ZNF726: variants seen among roughly 807,000 people sequenced by gnomAD.
ZNF726 encodes zinc finger protein 92 pseudogene 3.
A neutral mutation model predicts 11.6 loss-of-function variants in ZNF726; 15 were observed. The observed-to-expected ratio is 1.29, with a 90% CI of 0.86 to 1.99. The LOEUF (loss-of-function observed/expected upper bound fraction) is 1.99, where lower values mean the gene tolerates loss of function less well. Ranked by LOEUF, ZNF726 falls within the 30% of genes most tolerant of loss-of-function variation. ZNF726 has a pLI of 0.00. For synonymous variants in ZNF726, 295 were observed against 243.6 expected, an observed-to-expected ratio of 1.21 and a Z score of -1.96; for missense variants, 890 against 725.6, an observed-to-expected ratio of 1.23 and a Z score of -2.60.
chr19:23,939,356 C>T (rs527970836), downstream of ZNF726, among the ~76,000 whole-genome samples: 137 of 152,204 alleles, frequency 9.0e-4, no homozygotes, highest in African/African-American at 2.9e-3. Context: ...GTTTCTTTAT[C>T]TGTTTGTTGA....
chr19:23,940,231 T>G (rs1968316714), intron 3 of ZNF726, among the ~76,000 whole-genome samples: 1 of 152,218 alleles, frequency 6.6e-6, no homozygotes, highest in Non-Finnish European at 1.5e-5. Context: ...TTCTCCTACA[T>G]GTGGCTAGCC....
chr19:23,933,935 A>G lies in ZNF726; in HGVS notation c.1819A>G (p.Thr607Ala). 2 of 1,582,006 alleles carry G rather than the reference A, an allele frequency of 1.3e-6. No homozygotes were observed. Among genetic ancestry groups the G allele is most frequent in the Non-Finnish European group, 1.7e-6 (2 of 1,163,534 alleles). Residue 607 changes from threonine (T) to alanine (A), a missense_variant, in exon 4 of 4, where the codon ACC becomes GCC. Thr to Ala is a moderately conservative substitution (Grantham distance 58). Coordinates refer to ENST00000594466, the MANE Select transcript of ZNF726 (RefSeq NM_001244038.2). The part of the protein sequence containing the change: ...ECGKSFIWSS[T>A]LFKHKRIHT ...TGGCAAATCATTTATCTGGTCCTCA[A>G]CCCTTTTTAAGCATAAGAGGATTCA...
intron 3 of ZNF726, among the ~76,000 whole-genome samples, chr19:23,923,116 C>T (rs1270380124): frequency 6.6e-6 from 1 of 152,078 alleles, no homozygotes; most frequent in African/African-American, 2.4e-5. Flanking sequence ...CCACTTTTGT[C>T]AGCCTATAAC....
rs1170223495 is a variant in ZNF726 at position 23,919,459 on chromosome 19, GA to G, written c.92del (p.Asn31MetfsTer2). 2 of 1,606,758 alleles carry G rather than the reference GA, an allele frequency of 1.2e-6. No individual in the cohort carries two copies. Among genetic ancestry groups the G allele is most frequent in the African/African-American group, 2.7e-5 (2 of 74,732 alleles). On this transcript the variant is annotated frameshift_variant, in exon 2 of 4. Coordinates refer to ENST00000594466, the MANE Select transcript of ZNF726 (RefSeq NM_001244038.2). LOFTEE classifies it high-confidence loss of function. ...LDTAQKNLYR[N>X]VMLENYRNLA... ...ACACTGCACAGAAGAATTTATATAG[GA>G]ATGTGATGTTAGAGAACTACAGAAA...
chr19:23,920,540 C>T (rs62114219), intron 3 of ZNF726: 18,090 of 156,430 alleles, frequency 0.12, 1,165 homozygotes, highest in Middle Eastern at 0.2. Flanking sequence ...GCCTCAGGCT[C>T]CTGAGTAGCT....
chr19:23,937,133 G>T (rs1286590566), downstream of ZNF726, among the ~76,000 whole-genome samples: 4 of 150,634 alleles, frequency 2.7e-5, no homozygotes, highest in South Asian at 2.1e-4. Flanking sequence ...GGCCGGGCGG[G>T]GGGGCTGACC....
intron 3 of ZNF726, among the ~76,000 whole-genome samples, chr19:23,927,201 A>AC (rs1255995219): frequency 2.0e-5 from 3 of 152,020 alleles, no homozygotes; most frequent in Non-Finnish European, 4.4e-5. Context: ...TCCTGAGTTC[A>AC]GGCAATCCAC....
rs1163479243 is a variant in ZNF726, at chr19:23,933,010, A to G, written c.894A>G (p.Ser298=). 6.8e-6 allele frequency: 11 copies of G among 1,612,954 alleles called. No homozygotes were observed. Among genetic ancestry groups the G allele is most frequent in the Admixed American group, 5.0e-5 (3 of 59,922 alleles). ...EECGKAFSQP[S]ALTIHKRMHI... The stretch of plus-strand genomic sequence containing the variant: ...GTGGCAAAGCATTTAGCCAACCCTC[A>G]GCACTAACCATACATAAGAGGATGC... The change falls in exon 4 of 4, where the codon TCA becomes TCG. Residue 298 remains serine, a synonymous_variant. Coordinates refer to ENST00000594466, the MANE Select transcript of ZNF726 (RefSeq NM_001244038.2).
chr19:23,922,457 T>G (rs1967875960), intron 3 of ZNF726, among the ~76,000 whole-genome samples: 1 of 152,154 alleles, frequency 6.6e-6, no homozygotes, highest in Non-Finnish European at 1.5e-5. Flanking sequence ...GAGGTCTTCC[T>G]CCAGGCCTCT....
intron 1 of ZNF726, 74 bp downstream of exon 1, chr19:23,915,071 G>A: frequency 1.3e-5 from 21 of 1,607,858 alleles, no homozygotes; most frequent in Non-Finnish European, 1.8e-5. Context: ...GGCAGTGGCG[G>A]GACTCAGGCC....
Position 23,933,918 on chromosome 19 carries a change from C to G in ZNF726, c.1802C>G (p.Ser601Ter). 6.3e-7 allele frequency: 1 copy of G among 1,586,184 alleles called. No individual in the cohort carries two copies. Among genetic ancestry groups the G allele is most frequent in the Non-Finnish European group, 8.6e-7 (1 of 1,165,936 alleles). Reference protein sequence around the residue: ...KPYKCDECGKSFIWSSTLFKH... With the variant: ...KPYKCDECGK ...TACAAGTGTGACGAATGTGGCAAAT[C>G]ATTTATCTGGTCCTCAACCCTTTTT... Residue 601 changes from serine to a stop codon, truncating the protein, a stop_gained, in exon 4 of 4, where the codon TCA becomes TGA. Transcript: ENST00000594466. LOFTEE classifies it low-confidence loss of function (END_TRUNC).
At chr19:23,924,197 C>G (rs559582047) in intron 3 of ZNF726, among the ~76,000 whole-genome samples, 1 of 151,444 alleles carries the variant, frequency 6.6e-6, no homozygotes, top group Non-Finnish European at 1.5e-5. Context: ...GCACATGCCA[C>G]CACACCTGGC....
chr19:23,923,418 T>G, intron 3 of ZNF726: 1 of 412,492 alleles, frequency 2.4e-6, no homozygotes. Context: ...AATTTTTTTT[T>G]TTTTTTTTTT....
At chr19:23,923,421 T>C (rs1008716593) in intron 3 of ZNF726, 112 of 413,954 alleles carry the variant, frequency 2.7e-4, no homozygotes, top group Non-Finnish European at 4.4e-4. Context: ...TTTTTTTTTT[T>C]TTTTTTTTGA....
Position 23,933,453 on chromosome 19 carries a change from T to C in ZNF726, c.1337T>C (p.Ile446Thr), listed in dbSNP as rs1968164283. 1 of 1,612,016 alleles carries C rather than the reference T, an allele frequency of 6.2e-7. No homozygotes were observed. The highest frequency in any genetic ancestry group is 1.7e-5 in the Admixed American group (1 of 59,784). Residue 446 changes from isoleucine to threonine, a missense_variant, in exon 4 of 4, where the codon ATT (isoleucine) becomes ACT (threonine). By Grantham distance (89) the Ile-to-Thr change is moderately conservative. Coordinates refer to ENST00000594466, the MANE Select transcript of ZNF726 (RefSeq NM_001244038.2). The stretch of plus-strand genomic sequence containing the variant: ...TCAAACCTTACTGAACATAAGAAAA[T>C]TCATACTAGAGAGAAACCCTACAAA... Reference protein sequence around the residue: ...WSSNLTEHKKIHTREKPYKCE... With the variant: ...WSSNLTEHKKTHTREKPYKCE...
intron 1 of ZNF726, among the ~76,000 whole-genome samples, chr19:23,918,000 T>A (rs1967746283): frequency 6.6e-6 from 1 of 152,158 alleles, no homozygotes; most frequent in Non-Finnish European, 1.5e-5. Context: ...TGGCTGGAGT[T>A]GGATGGCACA....
chr19:23,923,888 A>G (rs1043803540), intron 3 of ZNF726: 2 of 152,428 alleles, frequency 1.3e-5, no homozygotes, highest in Non-Finnish European at 2.9e-5. Flanking sequence ...GTTTTTTCTT[A>G]TATATTATGT....
rs541855480 is a variant in ZNF726, at chr19:23,933,681, C to G, written c.1565C>G (p.Ser522Trp). ...TGTGGCAAAGCATTTATATTGTCCT[C>G]GACCCTATCTAAACATAAGAGGATT... ...EECGKAFILS[S>W]TLSKHKRIHT... Residue 522 changes from serine to tryptophan, a missense_variant, in exon 4 of 4, where the codon TCG (serine) becomes TGG (tryptophan). Transcript: ENST00000594466. 14 of 1,612,246 alleles carry G rather than the reference C, an allele frequency of 8.7e-6. No homozygotes were observed. In the Admixed American group the frequency reaches 1.8e-4, roughly 21 times the overall value.
intron 3 of ZNF726, among the ~76,000 whole-genome samples, chr19:23,922,856 A>G (rs1438588767): frequency 2.0e-5 from 3 of 152,046 alleles, no homozygotes; most frequent in Non-Finnish European, 4.4e-5. Flanking sequence ...GTTCTCTCAT[A>G]AAAGCATTTT....
Sources: allele counts gnomAD v4.1 joint callset (sites outside exome capture counted in the v4.1 genomes callset), GRCh38; gene constraint gnomAD v4.1.1; transcripts MANE v1.5; gene names NCBI Gene and HGNC (gene_info 2026-07-23, HGNC 2026-07-21).